Variants in MICOS10 observed in about 807,000 individuals in gnomAD.
MICOS10 encodes the protein mitochondrial contact site and cristae organizing system subunit 10.
MICOS10 carries 5 observed loss-of-function variants against 13.4 expected under a neutral mutation model. That is an observed-to-expected ratio of 0.37 (90% CI 0.20 to 0.78). The LOEUF (loss-of-function observed/expected upper bound fraction) is 0.78, where lower values mean the gene tolerates loss of function less well. Among genes scored for constraint, MICOS10 ranks in the 30% least tolerant of loss-of-function variants. The pLI, the probability that MICOS10 is intolerant of heterozygous loss-of-function variation, is 0.47. For missense variants in MICOS10, 101 were observed against 94.6 expected, an observed-to-expected ratio of 1.07 and a Z score of -0.28; for synonymous variants, 35 against 33.6, an observed-to-expected ratio of 1.04 and a Z score of -0.15.
rs545025215 is a variant in MICOS10 at position 19,605,679 on chromosome 1, T to C, written c.64+8570T>C. Among the ~76,000 whole-genome samples, 91 of 152,356 alleles carry C rather than the reference T, an allele frequency of 6.0e-4. 2 individuals carry two copies. The highest frequency in any genetic ancestry group is 2.0e-3 in the African/African-American group (85 of 41,582). ...TCAGTTGGTGGACATTTAGTTTGTT[T>C]ACGCTTTTAAATTTTATGAATAATG... On this transcript the variant is annotated intron_variant, in intron 1 of 3. Transcript: ENST00000322753.
At chr1:19,613,000 C>T (rs549908324) in intron 1 of MICOS10, among the ~76,000 whole-genome samples, 5 of 152,216 alleles carry the variant, frequency 3.3e-5, no homozygotes, top group East Asian at 3.8e-4. Context: ...TCACTTCCCC[C>T]TTCTCAGAAG....
chr1:19,623,611 C>G, intron 3 of MICOS10, 28 bp downstream of exon 3: 1 of 1,488,366 alleles, frequency 6.7e-7, no homozygotes, highest in Admixed American at 1.7e-5. Context: ...ATTTCTCTTT[C>G]CTTCAGAAGA....
At chr1:19,597,485 A>G (rs1369495223) in intron 1 of MICOS10, among the ~76,000 whole-genome samples, 3 of 152,210 alleles carry the variant, frequency 2.0e-5, no homozygotes, top group Non-Finnish European at 4.4e-5. Context: ...GAACCGGCTC[A>G]GGAGGCCACG....
At chr1:19,607,559 G>A (rs1044920171) in intron 1 of MICOS10, among the ~76,000 whole-genome samples, 9 of 152,260 alleles carry the variant, frequency 5.9e-5, no homozygotes, top group South Asian at 2.1e-4. Context: ...TTTAAGGGCC[G>A]AGAGAAAGAG....
chr1:19,604,719 G>A (rs1483377360), intron 1 of MICOS10, among the ~76,000 whole-genome samples: 2 of 152,156 alleles, frequency 1.3e-5, no homozygotes, highest in African/African-American at 4.8e-5. Context: ...TTAGTACCAG[G>A]TATTGTGGTA....
intron 1 of MICOS10, among the ~76,000 whole-genome samples, chr1:19,607,275 A>G (rs746141788): frequency 6.6e-6 from 1 of 152,222 alleles, no homozygotes; most frequent in Non-Finnish European, 1.5e-5. Context: ...TTCTGTTAGT[A>G]TTACAGAATA....
At chr1:19,623,783 A>G (rs1200823207) in intron 3 of MICOS10, 200 bp downstream of exon 3, 5 of 517,122 alleles carry the variant, frequency 9.7e-6, no homozygotes, top group Non-Finnish European at 1.7e-5. Flanking sequence ...TCAGATGCGT[A>G]TGTACGTTCA....
rs532298269 is a variant in MICOS10, at chr1:19,607,886, G to A, written c.64+10777G>A. On this transcript the variant is annotated intron_variant, in intron 1 of 3. Transcript: ENST00000322753. The stretch of plus-strand genomic sequence containing the variant: ...GCTGGACATATAAATCAGTAGAGTA[G>A]GATAAAGTCCAGAAATAGACCCATA... Among the ~76,000 whole-genome samples, 9 of 152,252 alleles carry A rather than the reference G, an allele frequency of 5.9e-5. No homozygotes were observed. The South Asian group carries it at 1.7e-3, about 28-fold the overall frequency.
At chr1:19,599,167 C>G (rs1248523203) in intron 1 of MICOS10, among the ~76,000 whole-genome samples, 4 of 152,170 alleles carry the variant, frequency 2.6e-5, no homozygotes, top group Admixed American at 2.6e-4. Context: ...AGTGATCCTC[C>G]CACCTCAGCC....
At chr1:19,609,969 CCGT>C (rs2100277342) in intron 1 of MICOS10, among the ~76,000 whole-genome samples, 1 of 152,226 alleles carries the variant, frequency 6.6e-6, no homozygotes, top group East Asian at 1.9e-4. Context: ...TGGGGAAACC[CCGT>C]CTCTACTAAA....
At chr1:19,597,647 G>C (rs2094797751) in intron 1 of MICOS10, among the ~76,000 whole-genome samples, 1 of 152,212 alleles carries the variant, frequency 6.6e-6, no homozygotes, top group Non-Finnish European at 1.5e-5. Context: ...ACTTAGAGGG[G>C]TGATGATCTG....
intron 1 of MICOS10, chr1:19,617,128 C>T (rs1251242893): frequency 5.3e-6 from 1 of 187,562 alleles, no homozygotes; most frequent in Non-Finnish European, 1.0e-5. Context: ...GTGCTGTACA[C>T]ACTCATTTAA....
At chr1:19,602,750 G>A (rs2094820456) in intron 1 of MICOS10, among the ~76,000 whole-genome samples, 1 of 152,080 alleles carries the variant, frequency 6.6e-6, no homozygotes, top group Non-Finnish European at 1.5e-5. Flanking sequence ...TTCCTTGTAT[G>A]TATGGGTAAT....
At chr1:19,600,744 G>A in intron 1 of MICOS10, 1 of 420,870 alleles carries the variant, frequency 2.4e-6, no homozygotes, top group South Asian at 1.8e-5. Context: ...TGGGACTGTG[G>A]GTACGCACCA....
At chr1:19,622,920 CTTTTTT>C (rs373297142) in intron 2 of MICOS10, among the ~76,000 whole-genome samples, 18 of 131,906 alleles carry the variant, frequency 1.4e-4, no homozygotes, top group African/African-American at 3.7e-4. Context: ...TATTTTACTA[CTTTTTT>C]TTTTTTTTTT....
chr1:19,604,869 A>G (rs974995661), intron 1 of MICOS10, among the ~76,000 whole-genome samples: 1 of 152,196 alleles, frequency 6.6e-6, no homozygotes, highest in Non-Finnish European at 1.5e-5. Flanking sequence ...TAGGTGGACC[A>G]GGTGGGGGAG....
intron 3 of MICOS10, chr1:19,623,935 A>G (rs2094913137): frequency 6.0e-6 from 1 of 167,590 alleles, no homozygotes; most frequent in Non-Finnish European, 1.3e-5. Context: ...CATCTCACAT[A>G]TACTTAAGCT....
At chr1:19,614,952 C>T (rs757799536) in intron 1 of MICOS10, among the ~76,000 whole-genome samples, 16 of 152,144 alleles carry the variant, frequency 1.1e-4, no homozygotes, top group African/African-American at 2.9e-4. Flanking sequence ...AGTGCGTTCC[C>T]GTCTCCACAA....
At chr1:19,597,542 G>A (rs1365213318) in intron 1 of MICOS10, among the ~76,000 whole-genome samples, 1 of 152,182 alleles carries the variant, frequency 6.6e-6, no homozygotes, top group Admixed American at 6.5e-5. Flanking sequence ...AGGTCACCTG[G>A]AGCATTTCAT....
Sources: gnomAD v4.1 joint callset for allele counts (sites outside exome capture counted in the v4.1 genomes callset) on GRCh38, gnomAD v4.1.1 for gene constraint, MANE v1.5 for transcripts, NCBI Gene and HGNC (gene_info 2026-07-23, HGNC 2026-07-21) for gene names.